Variants in SCOC observed in about 807,000 individuals in gnomAD.
SCOC encodes the protein short coiled-coil protein.
Under a neutral mutation model 9.9 loss-of-function variants are expected in SCOC, and 7 were observed. The observed-to-expected ratio is 0.71, with a 90% CI of 0.40 to 1.33. The LOEUF is 1.33. Among genes scored for constraint, SCOC ranks in the 40% most tolerant of loss-of-function variants. The pLI is 0.01. For missense variants in SCOC, 66 were observed against 89.7 expected (o/e 0.74, Z 1.07); for synonymous variants, 19 against 28.2 (o/e 0.67, Z 1.03).
chr4:140,332,389 T>G (rs1173010872), intron 1 of SCOC, among the ~76,000 whole-genome samples: 33 of 97,200 alleles, frequency 3.4e-4, no homozygotes, highest in African/African-American at 1.1e-3. Flanking sequence ...TTTTTTTTTT[T>G]GAGACGGAGT....
At chr4:140,303,333 T>C (rs1270105748) in intron 1 of SCOC, among the ~76,000 whole-genome samples, 1 of 152,236 alleles carries the variant, frequency 6.6e-6, no homozygotes, top group Admixed American at 6.5e-5. Context: ...ATCTCCTACC[T>C]CTGGCCTACC....
chr4:140,354,390 G>A (rs1727114258), intron 2 of SCOC, among the ~76,000 whole-genome samples: 1 of 151,998 alleles, frequency 6.6e-6, no homozygotes, highest in Non-Finnish European at 1.5e-5. Flanking sequence ...TCAGTTTACA[G>A]TGACTGTTGA....
chr4:140,379,746 AT>A, intron 3 of SCOC, 94 bp downstream of exon 3: 1 of 873,728 alleles, frequency 1.1e-6, no homozygotes, highest in Non-Finnish European at 1.8e-6. Context: ...AGGATGTATA[AT>A]TTTTAAAAGA....
In SCOC at chr4:140,329,290, A is replaced by G. The variant is rs1209356596; in HGVS notation, c.-18-14331A>G. Among the ~76,000 whole-genome samples the G allele has an allele frequency of 5.9e-5, 9 of 152,326 alleles. No individual in the cohort carries two copies. In the East Asian group the frequency reaches 1.3e-3, roughly 23 times the overall value. On this transcript the variant is annotated intron_variant, in intron 1 of 4. Coordinates refer to the SCOC transcript ENST00000394205. ...GGATCCTTGTCTCTCACCTTATACA[A>G]AAATCGACTCAAGGTGGCTCAAAGA...
chr4:140,327,775 C>T (rs964499490), intron 1 of SCOC, among the ~76,000 whole-genome samples: 4 of 152,168 alleles, frequency 2.6e-5, no homozygotes, highest in Non-Finnish European at 5.9e-5. Flanking sequence ...ATAAAACATG[C>T]CTTTGAATTT....
At chr4:140,297,873 C>T (rs1731697943) in intron 1 of SCOC, among the ~76,000 whole-genome samples, 1 of 152,200 alleles carries the variant, frequency 6.6e-6, no homozygotes, top group Admixed American at 6.5e-5. Flanking sequence ...TAGAAACCCC[C>T]GTTTCTTGGA....
chr4:140,378,101 G>A (rs1728417966), intron 1 of SCOC, among the ~76,000 whole-genome samples: 2 of 152,140 alleles, frequency 1.3e-5, no homozygotes, highest in African/African-American at 4.8e-5. Context: ...ATAATAAAAT[G>A]TTAGTATTTA....
chr4:140,277,298 TC>T (rs1443349419), intron 1 of SCOC, among the ~76,000 whole-genome samples: 1 of 151,976 alleles, frequency 6.6e-6, no homozygotes, highest in Non-Finnish European at 1.5e-5. Context: ...CAGACCCCCC[TC>T]CCCACTGTAT....
At chr4:140,369,138 T>C (rs561275607), upstream of SCOC, among the ~76,000 whole-genome samples, 1 of 152,350 alleles carries the variant, frequency 6.6e-6, no homozygotes, top group East Asian at 1.9e-4. Flanking sequence ...ATCAAATTTA[T>C]TTACTTTTGG....
intron 1 of SCOC, among the ~76,000 whole-genome samples, chr4:140,272,885 C>T (rs1730880578): frequency 6.6e-6 from 1 of 152,206 alleles, no homozygotes; most frequent in African/African-American, 2.4e-5. Flanking sequence ...ATGATGCCTC[C>T]TAAACCATTG....
At chr4:140,276,160 GC>G (rs1433670978) in intron 1 of SCOC, among the ~76,000 whole-genome samples, 1 of 151,812 alleles carries the variant, frequency 6.6e-6, no homozygotes, top group African/African-American at 2.4e-5. Flanking sequence ...CCGCCACCAC[GC>G]CCGTCTAAAT....
upstream of SCOC, chr4:140,373,600 T>A: frequency 6.4e-7 from 1 of 1,551,714 alleles, no homozygotes. Flanking sequence ...GATGGGATTC[T>A]TCTCACGGCG....
At position 140,346,327 on chromosome 4, in the gene SCOC, G is replaced by A. The variant is rs553703504; in HGVS notation, c.70+2619G>A. Among the ~76,000 whole-genome samples the A allele has an allele frequency of 5.3e-5, 8 of 152,230 alleles. No individual in the cohort carries two copies. The South Asian group carries it at 1.0e-3, about 20-fold the overall frequency. ...CGGCTACTGGATGCCAGCCGAGTGC[G>A]GTATTGGAAGCTGCTGGATACAGAG... On this transcript the variant is annotated intron_variant, in intron 2 of 4. Coordinates refer to the SCOC transcript ENST00000338517.
intron 1 of SCOC, among the ~76,000 whole-genome samples, chr4:140,277,967 G>A (rs1400937684): frequency 6.6e-6 from 1 of 152,226 alleles, no homozygotes; most frequent in Non-Finnish European, 1.5e-5. Flanking sequence ...CTTTGCCATA[G>A]TGGATTCTGG....
intron 1 of SCOC, among the ~76,000 whole-genome samples, chr4:140,265,245 A>G (rs1730708657): frequency 1.3e-5 from 2 of 152,208 alleles, no homozygotes; most frequent in Admixed American, 1.3e-4. Context: ...TAATGGTTGT[A>G]GTTCCCAAAA....
intron 1 of SCOC, among the ~76,000 whole-genome samples, chr4:140,325,793 A>G (rs564673963): frequency 1.3e-5 from 2 of 152,294 alleles, no homozygotes; most frequent in Admixed American, 1.3e-4. Flanking sequence ...AGTTAAACAT[A>G]TACTTACCAC....
In SCOC at chr4:140,373,703, C is replaced by G. The variant is rs1728176867; in HGVS notation, c.-65C>G. 1.3e-6 allele frequency: 2 copies of G among 1,548,504 alleles called. No individual in the cohort carries two copies. Among genetic ancestry groups the G allele is most frequent in the Non-Finnish European group, 1.7e-6 (2 of 1,146,848 alleles). ...TCGGCCGGATCCCTCCTTCTCCCGG[C>G]GCCTCAAGCGGAAGGTGAGGGCCGT... On this transcript the variant is annotated 5_prime_UTR_variant, in exon 1 of 4. Coordinates refer to ENST00000608372, the MANE Select transcript of SCOC (RefSeq NM_001153484.2).
At chr4:140,343,660 G>A (rs1474955033) in exon 2 of SCOC, 1 of 1,613,764 alleles carries the variant, frequency 6.2e-7, no homozygotes. Flanking sequence ...CAGGAAAGAG[G>A]AGGAGGAAGA....
At chr4:140,291,839 A>G (rs111966436) in intron 1 of SCOC, among the ~76,000 whole-genome samples, 12 of 152,286 alleles carry the variant, frequency 7.9e-5, no homozygotes, top group African/African-American at 2.6e-4. Flanking sequence ...GATCATCCTC[A>G]AAATATCTGA....
Sources: gnomAD v4.1 joint callset for allele counts (sites outside exome capture counted in the v4.1 genomes callset) on GRCh38, gnomAD v4.1.1 for gene constraint, MANE v1.5 for transcripts, NCBI Gene and HGNC (gene_info 2026-07-23, HGNC 2026-07-21) for gene names.